SCAPER: variants seen among roughly 807,000 people sequenced by gnomAD.
SCAPER encodes S-phase cyclin A associated protein in the ER.
SCAPER carries 98 observed loss-of-function variants against 182.2 expected under a neutral mutation model. The observed-to-expected ratio is 0.54, with a 90% confidence interval of 0.46 to 0.64. The LOEUF (loss-of-function observed/expected upper bound fraction) is 0.64. Among genes scored for constraint, SCAPER ranks in the 30% least tolerant of loss-of-function variants. The pLI is 0.00. For synonymous variants in SCAPER, 605 were observed against 564.6 expected (o/e 1.07, Z -1.01); for missense variants, 1,432 against 1,690.0 (o/e 0.85, Z 2.68).
At chr15:76,498,369 T>C (rs1281809472) in intron 24 of SCAPER, 1 of 152,222 alleles carries the variant, frequency 6.6e-6, no homozygotes, top group Non-Finnish European at 1.5e-5. Flanking sequence ...TGAGATATCT[T>C]CTTTCTATTG....
intron 7 of SCAPER, 132 bp downstream of exon 7, chr15:76,800,116 G>A (rs1277905097): frequency 4.1e-6 from 2 of 492,110 alleles, no homozygotes; most frequent in Non-Finnish European, 3.7e-6. Flanking sequence ...TCCTGTGTCA[G>A]AACCTGTATA....
intron 20 of SCAPER, among the ~76,000 whole-genome samples, chr15:76,700,801 AG>A (rs2058900349): frequency 6.6e-6 from 1 of 152,202 alleles, no homozygotes; most frequent in Non-Finnish European, 1.5e-5. Context: ...CATAAACAAT[AG>A]GGATCACTTT....
intron 10 of SCAPER, 114 bp downstream of exon 10, chr15:76,771,628 T>C (rs1457429377): frequency 1.4e-5 from 10 of 710,342 alleles, no homozygotes; most frequent in South Asian, 4.6e-5. Context: ...GAAATAAATA[T>C]ATAAAAATGC....
At chr15:76,681,038 T>C (rs2057673842) in intron 20 of SCAPER, among the ~76,000 whole-genome samples, 1 of 152,180 alleles carries the variant, frequency 6.6e-6, no homozygotes, top group Admixed American at 6.5e-5. Flanking sequence ...ATATAGTAGA[T>C]GAGGAAAGTT....
intron 22 of SCAPER, among the ~76,000 whole-genome samples, chr15:76,579,687 G>C (rs943280349): frequency 6.6e-6 from 1 of 152,098 alleles, no homozygotes; most frequent in Non-Finnish European, 1.5e-5. Context: ...TCAATAACTG[G>C]ATGTAAATGG....
chr15:76,819,661 T>A (rs1791078315), intron 5 of SCAPER, among the ~76,000 whole-genome samples: 1 of 151,826 alleles, frequency 6.6e-6, no homozygotes, highest in Non-Finnish European at 1.5e-5. Context: ...AACCGGAAAC[T>A]CTAAAAATCA....
intron 25 of SCAPER, among the ~76,000 whole-genome samples, chr15:76,446,655 T>C (rs182637029): frequency 6.6e-6 from 1 of 152,332 alleles, no homozygotes; most frequent in Non-Finnish European, 1.5e-5. Flanking sequence ...CTATCCACTT[T>C]ATAGGATGGA....
intron 23 of SCAPER, among the ~76,000 whole-genome samples, chr15:76,564,563 AATATTGTTAAAATGGCCAC>A (rs1442606757): frequency 6.6e-6 from 1 of 152,196 alleles, no homozygotes; most frequent in Non-Finnish European, 1.5e-5. Flanking sequence ...AAGAAGACTC[AATATTGTTAAAATGGCCAC>A]ACTGCCCAAA....
intron 27 of SCAPER, among the ~76,000 whole-genome samples, chr15:76,382,010 C>T (rs534959443): frequency 6.6e-6 from 1 of 152,312 alleles, no homozygotes; most frequent in African/African-American, 2.4e-5. Context: ...TATATAAAGG[C>T]ACTCTTCTTA....
intron 9 of SCAPER, among the ~76,000 whole-genome samples, chr15:76,773,086 C>T (rs1801880883): frequency 1.3e-5 from 2 of 151,734 alleles, no homozygotes; most frequent in Admixed American, 6.6e-5. Context: ...ATATGTCAGT[C>T]GCCATGGTTT....
intron 2 of SCAPER, among the ~76,000 whole-genome samples, chr15:76,873,280 A>T (rs2072877685): frequency 2.2e-5 from 1 of 46,392 alleles, no homozygotes. Context: ...AGGAAAAGGA[A>T]GGAAGGAAGG....
chr15:76,841,215 C>CA (rs142281692), intron 5 of SCAPER, among the ~76,000 whole-genome samples: 7,669 of 151,734 alleles, frequency 0.051, 269 homozygotes, highest in Middle Eastern at 0.092. Context: ...TAGGTAATGC[C>CA]AAAAAAAATC....
At chr15:76,727,049 T>C (rs549104744) in intron 17 of SCAPER, among the ~76,000 whole-genome samples, 4 of 135,124 alleles carry the variant, frequency 3.0e-5, no homozygotes, top group Admixed American at 1.5e-4. Context: ...AAAAATCCTT[T>C]ATAGAAAAAA....
At chr15:76,741,067 C>G (rs996527380) in intron 15 of SCAPER, among the ~76,000 whole-genome samples, 1 of 152,006 alleles carries the variant, frequency 6.6e-6, no homozygotes, top group African/African-American at 2.4e-5. Context: ...GTGATTAACA[C>G]GATAAACTCA....
Position 76,466,419 on chromosome 15 carries a change from C to CTTTTTTTTTTTTTTTT in SCAPER, c.3078+4777_3078+4792dup. Reference sequence around the variant, plus strand: ...TCAGTTCCAAAATTGGTTGGTTCTTCTTTTTTTTTTTTTTTTTTTTTTTGT... The same window carrying CTTTTTTTTTTTTTTTT: ...TCAGTTCCAAAATTGGTTGGTTCTTCTTTTTTTTTTTTTTTTTTTTTTTTTTTTTTTTTTTTTTTGT... On this transcript the variant is annotated intron_variant, in intron 25 of 31. Transcript: ENST00000563290. Among the ~76,000 whole-genome samples the CTTTTTTTTTTTTTTTT allele has an allele frequency of 1.8e-3, 68 of 37,416 alleles. 3 individuals are homozygous for CTTTTTTTTTTTTTTTT. Among genetic ancestry groups the CTTTTTTTTTTTTTTTT allele is most frequent in the East Asian group, 3.5e-3 (3 of 856 alleles). The allele number at this position is 37,416 out of a possible 152,430, so 24.5% of individuals were successfully genotyped here.
At chr15:76,572,919 T>TCTCTCACACACA (rs1477852757) in intron 23 of SCAPER, among the ~76,000 whole-genome samples, 26 of 135,174 alleles carry the variant, frequency 1.9e-4, no homozygotes, top group African/African-American at 7.3e-4. Flanking sequence ...TCTCTCTCTC[T>TCTCTCACACACA]CACACACACA....
intron 22 of SCAPER, among the ~76,000 whole-genome samples, chr15:76,607,322 T>C (rs2050519962): frequency 6.6e-6 from 1 of 152,248 alleles, no homozygotes; most frequent in South Asian, 2.1e-4. Flanking sequence ...AATTCTTTTC[T>C]TTAACAATGT....
intron 26 of SCAPER, among the ~76,000 whole-genome samples, chr15:76,421,613 CT>C (rs2046049027): frequency 6.6e-6 from 1 of 152,196 alleles, no homozygotes; most frequent in Non-Finnish European, 1.5e-5. Context: ...TGTGCAGAAG[CT>C]CTTTAGTTTA....
intron 5 of SCAPER, among the ~76,000 whole-genome samples, chr15:76,824,957 T>G (rs916272521): frequency 6.6e-6 from 1 of 152,186 alleles, no homozygotes; most frequent in African/African-American, 2.4e-5. Context: ...CACTTGCAAG[T>G]TGGCTTGACT....
Sources: gnomAD v4.1 joint callset for allele counts (sites outside exome capture counted in the v4.1 genomes callset) on GRCh38, gnomAD v4.1.1 for gene constraint, MANE v1.5 for transcripts, NCBI Gene and HGNC (gene_info 2026-07-23, HGNC 2026-07-21) for gene names.